PLEK: variants seen among roughly 807,000 people sequenced by gnomAD.
The protein encoded by PLEK is pleckstrin.
PLEK carries 25 observed loss-of-function variants against 43.9 expected under a neutral mutation model. The ratio of observed to expected loss-of-function variants is 0.57; its 90% CI spans 0.41 to 0.79. PLEK has a LOEUF of 0.79. PLEK is among the 30% of genes least tolerant of loss of function. The pLI is 0.00. For missense variants in PLEK, 396 were observed against 413.3 expected (o/e 0.96, Z 0.36); for synonymous variants, 152 against 144.4 (o/e 1.05, Z -0.38).
In PLEK at chr2:68,386,904, G is replaced by A. The variant is rs150256339; in HGVS notation, c.657+218G>A. ...AACAGCTGCCCTCTCTACAACACTC[G>A]CCCTGTCCAAGTGAATTTGTTATTA... On this transcript the variant is annotated intron_variant, in intron 5 of 8. Coordinates refer to ENST00000234313, the MANE Select transcript of PLEK (RefSeq NM_002664.3). Among the ~76,000 whole-genome samples the A allele has an allele frequency of 1.7e-3, 261 of 152,068 alleles. 2 individuals are homozygous for A. The Middle Eastern group carries it at 0.027, about 16-fold the overall frequency.
At position 68,382,596 on chromosome 2, in the gene PLEK, A is replaced by G. The variant is rs1332209218; in HGVS notation, c.435A>G (p.Leu145=). Residue 145 remains leucine (L), a synonymous_variant, in exon 4 of 9, where the codon CTA becomes CTG. Coordinates refer to ENST00000234313, the MANE Select transcript of PLEK (RefSeq NM_002664.3). The part of the protein sequence containing the change: ...DTEKGIKELN[L]EKDKKIFNHC... Reference sequence around the variant, plus strand: ...AAAAAGGAATAAAAGAACTGAATCTAGAGAAGGACAAGAAGATTTTTAATC... The same window carrying G: ...AAAAAGGAATAAAAGAACTGAATCTGGAGAAGGACAAGAAGATTTTTAATC... 1.9e-6 allele frequency: 3 copies of G among 1,605,168 alleles called. No homozygotes were observed. Among genetic ancestry groups the G allele is most frequent in the Non-Finnish European group, 2.6e-6 (3 of 1,171,864 alleles).
chr2:68,365,482 G>GA, intron 1 of PLEK, 89 bp downstream of exon 1: 1 of 1,042,046 alleles, frequency 9.6e-7, no homozygotes, highest in Non-Finnish European at 1.5e-6. Context: ...CTCATCTTAG[G>GA]AATGTTTCCT....
intron 1 of PLEK, among the ~76,000 whole-genome samples, chr2:68,375,281 G>C (rs1673481100): frequency 6.6e-6 from 1 of 152,126 alleles, no homozygotes; most frequent in African/African-American, 2.4e-5. Context: ...GCATTTTCCT[G>C]ATAAATAATG....
chr2:68,380,324 A>T lies in PLEK; in HGVS notation c.43-4A>T, dbSNP rs548003305. The T allele has an allele frequency of 1.2e-6, 2 of 1,610,142 alleles. No homozygotes were observed. Among genetic ancestry groups the T allele is most frequent in the Non-Finnish European group, 8.5e-7 (1 of 1,177,296 alleles). ...CATCTCAGCTCTTTTGGTTGTCATT[A>T]CAGGGGAGCGTGTTCAATACGTGGA... On this transcript the variant is annotated splice_region_variant and splice_polypyrimidine_tract_variant and intron_variant, in intron 1 of 8. Transcript: ENST00000234313.
Position 68,385,567 on chromosome 2 carries a change from T to A in PLEK, c.473-935T>A, listed in dbSNP as rs1005325240. ...CCCCACCCACCCTTCACCTCCCTCC[T>A]CCTCTTATTTCCTTTTGCCTTCTTT... On this transcript the variant is annotated intron_variant, in intron 4 of 8. Coordinates refer to ENST00000234313, the MANE Select transcript of PLEK (RefSeq NM_002664.3). 7.0e-5 allele frequency among the ~76,000 whole-genome samples: 10 copies of A among 143,078 alleles called. No individual in the cohort carries two copies. In the Admixed American group the frequency reaches 7.1e-4, roughly 10 times the overall value. 93.9% of individuals were successfully genotyped at this position (143,078 alleles called of 152,430 possible).
At chr2:68,393,499 C>G (rs1291450774) in intron 7 of PLEK, among the ~76,000 whole-genome samples, 4 of 152,076 alleles carry the variant, frequency 2.6e-5, no homozygotes, top group Non-Finnish European at 5.9e-5. Context: ...TTGGTCAACT[C>G]AACATATTTT....
intron 6 of PLEK, among the ~76,000 whole-genome samples, chr2:68,392,156 C>A (rs1673872495): frequency 6.6e-6 from 1 of 150,840 alleles, no homozygotes; most frequent in African/African-American, 2.5e-5. Flanking sequence ...ACCTTCCTCC[C>A]CCTTTTCTCC....
intron 1 of PLEK, among the ~76,000 whole-genome samples, chr2:68,377,115 G>A (rs1272265650): frequency 6.6e-6 from 1 of 152,044 alleles, no homozygotes; most frequent in Non-Finnish European, 1.5e-5. Flanking sequence ...CTTTTTTATG[G>A]CAAAGTAGCC....
At chr2:68,373,287 C>A (rs904345361) in intron 1 of PLEK, among the ~76,000 whole-genome samples, 1 of 152,052 alleles carries the variant, frequency 6.6e-6, no homozygotes, top group Non-Finnish European at 1.5e-5. Context: ...TGTAAGTGGT[C>A]AGATTTCTCT....
At chr2:68,370,092 TTAAAA>T (rs1452284612) in intron 1 of PLEK, among the ~76,000 whole-genome samples, 1 of 152,256 alleles carries the variant, frequency 6.6e-6, no homozygotes, top group Non-Finnish European at 1.5e-5. Context: ...CAGCATCAAC[TTAAAA>T]TAACATGTCC....
At chr2:68,373,582 A>G (rs1673449327) in intron 1 of PLEK, among the ~76,000 whole-genome samples, 1 of 104,428 alleles carries the variant, frequency 9.6e-6, no homozygotes. Context: ...TATAATAAAG[A>G]AAATAAAAAA....
intron 5 of PLEK, among the ~76,000 whole-genome samples, chr2:68,386,971 G>A (rs1298936728): frequency 6.6e-6 from 1 of 151,950 alleles, no homozygotes; most frequent in Non-Finnish European, 1.5e-5. Flanking sequence ...ATTTTTAAAG[G>A]ACATTTTAAA....
chr2:68,386,713 C>T (rs1240232678), intron 5 of PLEK, 27 bp downstream of exon 5: 1 of 1,565,920 alleles, frequency 6.4e-7, no homozygotes, highest in Admixed American at 1.7e-5. Flanking sequence ...ATCTCTTCTT[C>T]CTGTAAGGGA....
At chr2:68,367,073 CTCT>C (rs1673290069) in intron 1 of PLEK, among the ~76,000 whole-genome samples, 2 of 152,074 alleles carry the variant, frequency 1.3e-5, no homozygotes, top group Non-Finnish European at 2.9e-5. Flanking sequence ...GAGAGTAGTT[CTCT>C]CAGATTGTAA....
Position 68,380,801 on chromosome 2 carries a change from G to A in PLEK, c.277G>A (p.Val93Ile), listed in dbSNP as rs753223152. The change falls in exon 3 of 9, where the codon GTT (valine) becomes ATT (isoleucine). Residue 93 changes from valine to isoleucine, a missense_variant. Coordinates refer to ENST00000234313, the MANE Select transcript of PLEK (RefSeq NM_002664.3). ...AAFLEERDAW[V>I]RDIKKAIKCI... ...CTTCCTGGAGGAGAGAGATGCCTGG[G>A]TTCGGGATATCAAGAAGGCCATTAA... is the stretch of plus-strand genomic sequence containing the variant. 6.2e-7 allele frequency: 1 copy of A among 1,613,960 alleles called. No individual in the cohort carries two copies. Among genetic ancestry groups the A allele is most frequent in the Admixed American group, 1.7e-5 (1 of 60,004 alleles).
rs1673954496 is a variant in PLEK, at chr2:68,395,915, CA to C, written c.*100del. 1.8e-6 allele frequency: 2 copies of C among 1,101,114 alleles called. No homozygotes were observed. Among genetic ancestry groups the C allele is most frequent in the African/African-American group, 1.6e-5 (1 of 63,368 alleles). 68.2% of individuals were successfully genotyped at this position (1,101,114 alleles called of 1,614,324 possible). On this transcript the variant is annotated 3_prime_UTR_variant, in exon 9 of 9. Transcript: ENST00000234313. The stretch of plus-strand genomic sequence containing the variant: ...TGTGACAAATCAACGGGAAACAGCC[CA>C]GGGGTGGGAAGTTTTCATTTGCAGG...
At chr2:68,376,164 T>C (rs1437384346) in intron 1 of PLEK, among the ~76,000 whole-genome samples, 1 of 152,146 alleles carries the variant, frequency 6.6e-6, no homozygotes. Context: ...ATCACAACAC[T>C]TTTCCACTGA....
intron 8 of PLEK, among the ~76,000 whole-genome samples, chr2:68,394,458 T>A (rs1249705483): frequency 6.6e-6 from 1 of 152,146 alleles, no homozygotes; most frequent in East Asian, 1.9e-4. Flanking sequence ...TGTGAATTGT[T>A]TGAGCTTGGC....
Position 68,386,625 on chromosome 2 carries a change from G to A in PLEK, c.596G>A (p.Ser199Asn), listed in dbSNP as rs1184819794. The change falls in exon 5 of 9, where the codon AGT becomes AAT. Residue 199 changes from serine to asparagine, a missense_variant. Transcript: ENST00000234313. Reference sequence around the variant, plus strand: ...CAGCCTGCTGGAGACATGTCCAAGAGTGCAGTGGATGGAACTGCTGAAAAC... The same window carrying A: ...CAGCCTGCTGGAGACATGTCCAAGAATGCAGTGGATGGAACTGCTGAAAAC... ...YLQPAGDMSK[S>N]AVDGTAENPF... is the part of the protein sequence containing the mutation. 4.3e-6 allele frequency: 7 copies of A among 1,614,022 alleles called. No individual in the cohort carries two copies. The highest frequency in any genetic ancestry group is 1.7e-5 in the Admixed American group (1 of 60,022).
Sources: allele counts gnomAD v4.1 joint callset (sites outside exome capture counted in the v4.1 genomes callset), GRCh38; gene constraint gnomAD v4.1.1; transcripts MANE v1.5; gene names NCBI Gene and HGNC (gene_info 2026-07-23, HGNC 2026-07-21).